ZZEF1: variants seen among roughly 807,000 people sequenced by gnomAD.
ZZEF1 encodes the protein zinc finger ZZ-type and EF-hand domain containing 1.
ZZEF1 carries 157 observed loss-of-function variants against 342.8 expected under a neutral mutation model. The observed-to-expected ratio is 0.46, with a 90% confidence interval of 0.40 to 0.52. ZZEF1 has a LOEUF of 0.52. ZZEF1 is among the 20% of genes least tolerant of loss of function. The pLI, the probability that ZZEF1 is intolerant of heterozygous loss-of-function variation, is 0.00. For synonymous variants in ZZEF1, 1,505 were observed against 1,429.1 expected, an observed-to-expected ratio of 1.05 and a Z score of -1.20; for missense variants, 3,480 against 3,725.6, an observed-to-expected ratio of 0.93 and a Z score of 1.72.
At chr17:4,114,274 C>G (rs1207653874) in intron 4 of ZZEF1, 25 bp downstream of exon 4, 1 of 1,479,558 alleles carries the variant, frequency 6.8e-7, no homozygotes, top group Non-Finnish European at 9.0e-7. Context: ...TTTTAAAAAA[C>G]AAAAAAGTAT....
Position 4,080,633 on chromosome 17 carries a change from G to C in ZZEF1, c.2829+743C>G, listed in dbSNP as rs35175562. On this transcript the variant is annotated intron_variant, in intron 18 of 54. Coordinates refer to ENST00000381638, the MANE Select transcript of ZZEF1 (RefSeq NM_015113.4). Reference sequence around the variant, plus strand: ...TTGAACTCCCGACCTCAGGTGATCCGCCCACCTTGGCCTCCCAAAGTGCTG... The same window carrying C: ...TTGAACTCCCGACCTCAGGTGATCCCCCCACCTTGGCCTCCCAAAGTGCTG... Among the ~76,000 whole-genome samples the C allele has an allele frequency of 1.1e-4, 16 of 152,044 alleles. No individual in the cohort carries two copies. In the East Asian group the frequency reaches 2.7e-3, roughly 26 times the overall value.
chr17:4,007,866 C>T (rs542983826), intron 54 of ZZEF1, among the ~76,000 whole-genome samples: 177 of 152,158 alleles, frequency 1.2e-3, no homozygotes, highest in Middle Eastern at 3.4e-3. Context: ...GACAGAGCGC[C>T]GCGCTCAGGC....
intron 9 of ZZEF1, among the ~76,000 whole-genome samples, chr17:4,097,258 A>AAAAAG (rs1017468444): frequency 3.3e-5 from 5 of 151,522 alleles, no homozygotes; most frequent in East Asian, 3.9e-4. Context: ...TCTCAAAAAA[A>AAAAAG]AAAAAGAAAA....
rs139032235 is a variant in ZZEF1 at position 4,117,035 on chromosome 17, T to A, written c.631A>T (p.Met211Leu). The change falls in exon 3 of 55, where the codon ATG becomes TTG. Residue 211 changes from methionine to leucine, a missense_variant. Around this residue, in one of 5 missense-constraint regions of ZZEF1, gnomAD observed 416 missense variants for 374.2 expected, o/e 1.11. Coordinates refer to ENST00000381638, the MANE Select transcript of ZZEF1 (RefSeq NM_015113.4). ...AGGACGGAAGACCGCATGGTGCACATGTTATTGCAGTGCTCCAGCATCGGG... is the reference window on the plus strand; with the variant it reads ...AGGACGGAAGACCGCATGGTGCACAAGTTATTGCAGTGCTCCAGCATCGGG... Reference protein sequence around the residue: ...PYPMLEHCNNMCTMRSSVLKE... With the variant: ...PYPMLEHCNNLCTMRSSVLKE... 96 of 1,614,016 alleles carry A rather than the reference T, an allele frequency of 5.9e-5. No homozygotes were observed. The East Asian group carries it at 6.0e-4, about 10-fold the overall frequency.
chr17:4,042,544 G>C lies in ZZEF1; in HGVS notation c.6191C>G (p.Ser2064Cys). ...TGCTTTTTCCTCTATGGGCTTCTGAGATGACACTTCTGAATCTTCAGCATC... is the reference window on the plus strand; with the variant it reads ...TGCTTTTTCCTCTATGGGCTTCTGACATGACACTTCTGAATCTTCAGCATC... ...LPDAEDSEVS[S>C]QKPIEEKAVT... Residue 2064 changes from serine (S) to cysteine (C), a missense_variant, in exon 39 of 55, where the codon TCT (serine) becomes TGT (cysteine). This residue lies in a region of ZZEF1 where 1,269 missense variants were observed against 1,342.4 expected (regional missense o/e 0.95). Coordinates refer to ENST00000381638, the MANE Select transcript of ZZEF1 (RefSeq NM_015113.4). 6.2e-7 allele frequency: 1 copy of C among 1,612,738 alleles called. No homozygotes were observed. The highest frequency in any genetic ancestry group is 8.5e-7 in the Non-Finnish European group (1 of 1,179,660).
chr17:4,007,093 C>T (rs1028135114), intron 54 of ZZEF1, 123 bp from the exon 55 acceptor site: 3 of 815,900 alleles, frequency 3.7e-6, no homozygotes, highest in Non-Finnish European at 5.7e-6. Context: ...AGATGTGTTC[C>T]CCTCCCCCAC....
intron 24 of ZZEF1, among the ~76,000 whole-genome samples, chr17:4,073,282 GT>G (rs1359603941): frequency 2.0e-5 from 3 of 151,960 alleles, no homozygotes; most frequent in Non-Finnish European, 2.9e-5. Context: ...ATTTTCCTTT[GT>G]TTTTTTCCAC....
intron 11 of ZZEF1, among the ~76,000 whole-genome samples, chr17:4,095,327 T>C (rs1567836954): frequency 6.6e-6 from 1 of 152,224 alleles, no homozygotes; most frequent in African/African-American, 2.4e-5. Context: ...CTTTCTCCCC[T>C]ACAGCACATT....
intron 8 of ZZEF1, among the ~76,000 whole-genome samples, chr17:4,102,719 T>TG (rs558803475): frequency 2.3e-4 from 35 of 152,054 alleles, no homozygotes; most frequent in South Asian, 6.2e-4. Context: ...TGAACACATT[T>TG]GGGGGGGTGA....
rs1374981787 is a variant in ZZEF1 at position 4,016,608 on chromosome 17, A to G, written c.8002-142T>C. The G allele has an allele frequency of 1.2e-6, 1 of 845,262 alleles. No homozygotes were observed. Among genetic ancestry groups the G allele is most frequent in the East Asian group, 2.8e-5 (1 of 36,264 alleles). The allele number at this position is 845,262 out of a possible 1,614,324, so 52.4% of individuals were successfully genotyped here. A position where few individuals can be genotyped will look rare whatever the true frequency, so the allele number is the denominator to read the frequency against. On this transcript the variant is annotated intron_variant, in intron 48 of 54. Coordinates refer to ENST00000381638, the MANE Select transcript of ZZEF1 (RefSeq NM_015113.4). This position sits in a 1 kb window ranked among gnomAD's most constrained non-coding sequence, Gnocchi z 4.4. ...AGCCTCTGTGACTCCACCACCCAAA[A>G]CCAACTCCACCAGCCACCTCTCACT...
At chr17:4,018,690 A>G (rs1394404571) in intron 46 of ZZEF1, among the ~76,000 whole-genome samples, 1 of 152,084 alleles carries the variant, frequency 6.6e-6, no homozygotes, top group Non-Finnish European at 1.5e-5. Flanking sequence ...CTCTCTCTAA[A>G]GCTCCCTGAG....
rs79364996 is a variant in ZZEF1 at position 4,058,504 on chromosome 17, A to T, written c.5004-349T>A. 6.1e-3 allele frequency among the ~76,000 whole-genome samples: 937 copies of T among 152,362 alleles called. 16 individuals carry two copies. Among genetic ancestry groups the T allele is most frequent in the African/African-American group, 0.022 (897 of 41,578 alleles). ...TTTAGATTTACCGAAGAATCATTTG[A>T]TTTAAGGCTTATGTCTAAACCATTT... On this transcript the variant is annotated intron_variant, in intron 31 of 54. Transcript: ENST00000381638.
chr17:4,049,903 G>C, intron 36 of ZZEF1, 44 bp from the exon 37 acceptor site: 1 of 1,598,200 alleles, frequency 6.3e-7, no homozygotes, highest in Non-Finnish European at 8.5e-7. Flanking sequence ...GTTTTATAAT[G>C]AGAGTTCTTT....
intron 17 of ZZEF1, 101 bp downstream of exon 17, chr17:4,082,336 G>C: frequency 1.8e-6 from 2 of 1,095,594 alleles, no homozygotes; most frequent in Admixed American, 2.1e-5. Flanking sequence ...TGAGTGGCAG[G>C]AAGTACTACT....
chr17:4,048,753 GC>G (rs1448370770), intron 37 of ZZEF1, among the ~76,000 whole-genome samples: 4 of 151,922 alleles, frequency 2.6e-5, no homozygotes, highest in Non-Finnish European at 5.9e-5. Flanking sequence ...TCTTGCTGTC[GC>G]CCAGTTTGGA....
At chr17:4,042,279 T>C (rs2056819297) in intron 39 of ZZEF1, 150 bp downstream of exon 39, 7 of 757,964 alleles carry the variant, frequency 9.2e-6, no homozygotes, top group Middle Eastern at 4.1e-4. Flanking sequence ...TTACAAAATA[T>C]AGGAAGGGTC....
chr17:4,049,783 A>G lies in ZZEF1; in HGVS notation c.5940T>C (p.Thr1980=), dbSNP rs766289283. 9 of 1,614,150 alleles carry G rather than the reference A, an allele frequency of 5.6e-6. No individual in the cohort carries two copies. The highest frequency in any genetic ancestry group is 3.3e-5 in the South Asian group (3 of 91,082). ...GCTCCTCTGACGCTCCGGTGGGCAC[A>G]GTGACTGGTAGGGCCTGATCTTCTA... The part of the protein sequence containing the change: ...SSLEDQALPV[T]VPTGASEEQL... The change falls in exon 37 of 55, where the codon ACT becomes ACC. Residue 1980 remains threonine, a synonymous_variant. Coordinates refer to ENST00000381638, the MANE Select transcript of ZZEF1 (RefSeq NM_015113.4).
intron 45 of ZZEF1, among the ~76,000 whole-genome samples, chr17:4,020,876 G>C (rs182812648): frequency 2.0e-5 from 3 of 152,220 alleles, no homozygotes; most frequent in African/African-American, 4.8e-5. Flanking sequence ...ATACATGTTT[G>C]AATGTGTATT....
At chr17:4,094,551 TTATCCATTGGCTACC>T (rs2058000544) in intron 11 of ZZEF1, among the ~76,000 whole-genome samples, 1 of 144,860 alleles carries the variant, frequency 6.9e-6, no homozygotes, top group Non-Finnish European at 1.6e-5. Context: ...TGGCTACCGA[TTATCCATTGGCTACC>T]GAACACCTCA....
Sources: allele counts gnomAD v4.1 joint callset (sites outside exome capture counted in the v4.1 genomes callset), GRCh38; gene constraint gnomAD v4.1.1; regional missense constraint gnomAD v4.1.1; non-coding constraint Gnocchi (gnomAD v3.1); transcripts MANE v1.5; gene names NCBI Gene and HGNC (gene_info 2026-07-23, HGNC 2026-07-21).